Variants in ABCC1 observed in about 807,000 individuals in gnomAD.
The protein encoded by ABCC1 is ATP binding cassette subfamily C member 1 (ABCC1 blood group), also known as multidrug resistance-associated protein 1.
In ABCC1, 83 loss-of-function variants were observed where a neutral mutation model predicts 172.9. The ratio of observed to expected loss-of-function variants is 0.48; its 90% CI spans 0.40 to 0.58. The LOEUF is 0.58. Among genes scored for constraint, ABCC1 ranks in the 20% least tolerant of loss-of-function variants. The probability of loss-of-function intolerance (pLI) is 0.00; values close to 1 mark genes in which losing one functional copy is unlikely to be tolerated. For synonymous variants in ABCC1, 937 were observed against 825.2 expected, an observed-to-expected ratio of 1.14 and a Z score of -2.32; for missense variants, 1,817 against 2,002.7, an observed-to-expected ratio of 0.91 and a Z score of 1.77.
intron 21 of ABCC1, among the ~76,000 whole-genome samples, 158 bp from the exon 22 acceptor site, chr16:16,111,217 T>G (rs556409251): frequency 9.2e-5 from 14 of 152,292 alleles, no homozygotes; most frequent in African/African-American, 3.4e-4. Context: ...TGTTTACTGC[T>G]GACTTTGTTG....
At chr16:16,013,013 C>T (rs972081182) in intron 3 of ABCC1, among the ~76,000 whole-genome samples, 1 of 152,026 alleles carries the variant, frequency 6.6e-6, no homozygotes, top group Non-Finnish European at 1.5e-5. Flanking sequence ...TCATTTATGC[C>T]TCTGTCACCC....
At chr16:16,070,558 G>C (rs1399107074) in intron 13 of ABCC1, among the ~76,000 whole-genome samples, 8 of 151,882 alleles carry the variant, frequency 5.3e-5, no homozygotes, top group Admixed American at 5.3e-4. Context: ...CCAGCTACTC[G>C]GTTGGCTGAG....
At chr16:16,097,677 G>A (rs2152042678) in intron 19 of ABCC1, among the ~76,000 whole-genome samples, 1 of 152,286 alleles carries the variant, frequency 6.6e-6, no homozygotes, top group Non-Finnish European at 1.5e-5. Flanking sequence ...CTGCCTATGA[G>A]AGGGGCCCCT....
intron 12 of ABCC1, among the ~76,000 whole-genome samples, chr16:16,059,948 G>A (rs1285570484): frequency 6.6e-6 from 1 of 151,830 alleles, no homozygotes; most frequent in Non-Finnish European, 1.5e-5. Context: ...GCGAGCTGAG[G>A]TCACGCCACT....
chr16:15,966,435 T>TTC (rs1053892353), intron 1 of ABCC1, among the ~76,000 whole-genome samples: 6 of 151,470 alleles, frequency 4.0e-5, no homozygotes, highest in African/African-American at 1.5e-4. Flanking sequence ...AGTCAGGCTT[T>TTC]TCTAGGGTTC....
At chr16:16,134,204 C>A in intron 27 of ABCC1, 146 bp from the exon 28 acceptor site, 1 of 969,194 alleles carries the variant, frequency 1.0e-6, no homozygotes, top group Non-Finnish European at 1.6e-6. Context: ...AGGAGTGTCT[C>A]TGGGCAGCGC....
In ABCC1 at chr16:16,036,631, G is replaced by A. The variant is rs976254913; in HGVS notation, c.809+28G>A. On this transcript the variant is annotated intron_variant, in intron 7 of 30. Coordinates refer to ENST00000399410, the MANE Select transcript of ABCC1 (RefSeq NM_004996.4). ...AAGTGTGAGTTTCCTTGTCCTCCAG[G>A]ATGCCCTGGTCACCTCCTTTCCACT... is the stretch of plus-strand genomic sequence containing the variant. 2.5e-6 allele frequency: 4 copies of A among 1,610,302 alleles called. No individual in the cohort carries two copies. The East Asian group carries it at 6.7e-5, about 27-fold the overall frequency.
chr16:16,031,329 G>C (rs1188068091), intron 5 of ABCC1, among the ~76,000 whole-genome samples: 3 of 152,158 alleles, frequency 2.0e-5, no homozygotes, highest in African/African-American at 7.2e-5. Context: ...TGCTGCTAAA[G>C]CTTGTGTTTC....
intron 29 of ABCC1, among the ~76,000 whole-genome samples, chr16:16,137,148 C>T (rs901778843): frequency 2.0e-5 from 3 of 152,170 alleles, no homozygotes; most frequent in Non-Finnish European, 4.4e-5. Context: ...GACAACCAAC[C>T]ATAAAGCCTC....
At chr16:15,981,725 T>A (rs1294600561) in intron 1 of ABCC1, among the ~76,000 whole-genome samples, 1 of 152,200 alleles carries the variant, frequency 6.6e-6, no homozygotes, top group Non-Finnish European at 1.5e-5. Flanking sequence ...TTTTCCCCAT[T>A]GTCTTGGTGA....
intron 1 of ABCC1, among the ~76,000 whole-genome samples, chr16:15,962,949 C>G (rs1284741461): frequency 6.6e-6 from 1 of 152,208 alleles, no homozygotes; most frequent in Non-Finnish European, 1.5e-5. Flanking sequence ...AGCATTAACT[C>G]AAAAGTCTAT....
At chr16:16,085,528 C>T (rs545591122) in intron 17 of ABCC1, among the ~76,000 whole-genome samples, 1 of 152,306 alleles carries the variant, frequency 6.6e-6, no homozygotes, top group African/African-American at 2.4e-5. Flanking sequence ...GCCTATAATC[C>T]CAGCACTTTG....
rs574488186 is a variant in ABCC1, at chr16:16,102,285, G to C, written c.2645-342G>C. Among the ~76,000 whole-genome samples the C allele has an allele frequency of 2.0e-5, 3 of 152,340 alleles. No homozygotes were observed. In the South Asian group the frequency reaches 6.2e-4, roughly 32 times the overall value. On this transcript the variant is annotated intron_variant, in intron 19 of 30. Coordinates refer to ENST00000399410, the MANE Select transcript of ABCC1 (RefSeq NM_004996.4). ...GCGTTTCCTTGCATCCTGGTCCTAGGAAGTGAGCTTAACATAGCAGGGCTA... is the reference window on the plus strand; with the variant it reads ...GCGTTTCCTTGCATCCTGGTCCTAGCAAGTGAGCTTAACATAGCAGGGCTA...
At chr16:16,047,992 C>G (rs981754036) in intron 9 of ABCC1, 150 bp from the exon 10 acceptor site, 1 of 1,024,790 alleles carries the variant, frequency 9.8e-7, no homozygotes, top group Non-Finnish European at 1.4e-6. Flanking sequence ...ACACAGGCGT[C>G]CTGGGCAGAC....
chr16:16,109,663 C>T (rs906132120), intron 21 of ABCC1, among the ~76,000 whole-genome samples: 2 of 152,186 alleles, frequency 1.3e-5, no homozygotes, highest in Admixed American at 6.5e-5. Context: ...CCATGCTGGG[C>T]TCCACAGGGA....
rs563664433 is a variant in ABCC1, at chr16:15,980,903, G to A, written c.49-26913G>A. ...AGCCTGTAAAACTGAAAGCAAGTTA[G>A]TTACTTCCTAGATACAATAGGAGTA... On this transcript the variant is annotated intron_variant, in intron 1 of 30. Transcript: ENST00000399410. Among the ~76,000 whole-genome samples the A allele has an allele frequency of 6.6e-5, 10 of 152,294 alleles. No homozygotes were observed. In the South Asian group the frequency reaches 2.1e-3, roughly 32 times the overall value.
At chr16:16,061,009 G>T (rs1040069814) in intron 12 of ABCC1, among the ~76,000 whole-genome samples, 1 of 151,874 alleles carries the variant, frequency 6.6e-6, no homozygotes, top group Non-Finnish European at 1.5e-5. Context: ...TAGAGACGGG[G>T]TTTCACCAGG....
chr16:16,013,297 G>T (rs1171143839), intron 3 of ABCC1, among the ~76,000 whole-genome samples: 1 of 149,570 alleles, frequency 6.7e-6, no homozygotes, highest in Admixed American at 6.7e-5. Context: ...TTGAGATAGC[G>T]TCTCACTCTG....
chr16:16,082,853 G>A (rs1288267058), intron 16 of ABCC1, among the ~76,000 whole-genome samples: 2 of 152,160 alleles, frequency 1.3e-5, no homozygotes, highest in African/African-American at 4.8e-5. Flanking sequence ...TCTCTATGTT[G>A]TCCAGGCTGG....
Sources: allele counts gnomAD v4.1 joint callset (sites outside exome capture counted in the v4.1 genomes callset), GRCh38; gene constraint gnomAD v4.1.1; transcripts MANE v1.5; gene names NCBI Gene and HGNC (gene_info 2026-07-23, HGNC 2026-07-21).